Variants in RBMS3 observed in about 807,000 individuals in gnomAD.
RBMS3 encodes the protein RNA binding motif single stranded interacting protein 3.
RBMS3 carries 27 observed loss-of-function variants against 66.8 expected under a neutral mutation model. That is an observed-to-expected ratio of 0.40 (90% CI 0.30 to 0.56). The LOEUF (loss-of-function observed/expected upper bound fraction) is 0.56. RBMS3 is among the 20% of genes least tolerant of loss of function. RBMS3 has a pLI of 0.40. For missense variants in RBMS3, 513 were observed against 549.5 expected (o/e 0.93, Z 0.66); for synonymous variants, 188 against 183.0 (o/e 1.03, Z -0.22).
At chr3:29,649,089 T>G (rs1477563068) in intron 4 of RBMS3, among the ~76,000 whole-genome samples, 1 of 152,182 alleles carries the variant, frequency 6.6e-6, no homozygotes, top group Non-Finnish European at 1.5e-5. Flanking sequence ...TGGTCTAAGG[T>G]TTTCAAAGTC....
chr3:29,803,144 A>G (rs1457106192), intron 6 of RBMS3, among the ~76,000 whole-genome samples: 3 of 152,188 alleles, frequency 2.0e-5, no homozygotes, highest in Admixed American at 6.5e-5. Flanking sequence ...AATAAATGAC[A>G]TAGCCAAGAT....
intron 4 of RBMS3, 81 bp downstream of exon 4, chr3:29,587,286 G>C (rs1179608185): frequency 1.3e-6 from 1 of 774,206 alleles, no homozygotes; most frequent in Admixed American, 4.1e-5. Context: ...GTGAAAGAGA[G>C]AGAGAGAGAT....
At chr3:29,462,501 G>A (rs2042405015) in intron 2 of RBMS3, among the ~76,000 whole-genome samples, 1 of 152,154 alleles carries the variant, frequency 6.6e-6, no homozygotes. Flanking sequence ...GTTGGCAGTT[G>A]CCTGGCTGTG....
At chr3:29,807,170 A>G (rs978556013) in intron 6 of RBMS3, among the ~76,000 whole-genome samples, 3 of 151,928 alleles carry the variant, frequency 2.0e-5, no homozygotes, top group African/African-American at 7.2e-5. Flanking sequence ...ACCTGTAACA[A>G]AATAGTAAGA....
intron 2 of RBMS3, among the ~76,000 whole-genome samples, chr3:29,467,506 G>A (rs530763113): frequency 3.9e-5 from 6 of 152,200 alleles, no homozygotes; most frequent in African/African-American, 1.2e-4. Context: ...TGCAGATTCT[G>A]GTTCAGTATG....
At chr3:29,997,289 C>A (rs1459761356) in intron 14 of RBMS3, among the ~76,000 whole-genome samples, 1 of 151,554 alleles carries the variant, frequency 6.6e-6, no homozygotes, top group Admixed American at 6.6e-5. Context: ...GCTTACCAAC[C>A]AAAAAGAGTC....
At position 29,988,190 on chromosome 3, in the gene RBMS3, C is replaced by T. The variant is rs774206498; in HGVS notation, c.1146C>T (p.Tyr382=). ...APMQGTYIPQ[Y]TPVPPTAVSI... ...TGCAAGGGACCTACATTCCTCAGTA[C>T]ACGCCTGTGCCTCCGACAGCTGTTT... Residue 382 remains tyrosine (Y), a synonymous_variant, in exon 13 of 15, where the codon TAC becomes TAT. Coordinates refer to ENST00000383767, the MANE Select transcript of RBMS3 (RefSeq NM_001003793.3). The T allele has an allele frequency of 1.1e-4, 185 of 1,612,998 alleles. No homozygotes were observed. The highest frequency in any genetic ancestry group is 1.4e-4 in the Non-Finnish European group (165 of 1,179,238).
intron 2 of RBMS3, among the ~76,000 whole-genome samples, chr3:29,488,020 G>A (rs1208773796): frequency 6.6e-6 from 1 of 152,144 alleles, no homozygotes; most frequent in Non-Finnish European, 1.5e-5. Context: ...CATTTTTGCA[G>A]ATGAAGAAAC....
intron 3 of RBMS3, among the ~76,000 whole-genome samples, chr3:29,580,747 T>C (rs1056611387): frequency 6.6e-6 from 1 of 151,628 alleles, no homozygotes; most frequent in African/African-American, 2.4e-5. Flanking sequence ...ATGTCACTAA[T>C]AATAGGCAAA....
intron 4 of RBMS3, among the ~76,000 whole-genome samples, chr3:29,647,041 G>A (rs1256870001): frequency 6.6e-6 from 1 of 152,086 alleles, no homozygotes; most frequent in East Asian, 1.9e-4. Context: ...GCAGTGGTGT[G>A]ATCTTGGCTC....
chr3:29,530,087 A>T (rs1008492104), intron 3 of RBMS3, among the ~76,000 whole-genome samples: 12 of 151,886 alleles, frequency 7.9e-5, no homozygotes, highest in African/African-American at 2.9e-4. Context: ...TGCCGTACAC[A>T]CTCTGGGAAC....
intron 3 of RBMS3, among the ~76,000 whole-genome samples, chr3:29,573,608 C>A (rs1048158118): frequency 1.4e-4 from 21 of 152,082 alleles, no homozygotes; most frequent in East Asian, 3.9e-4. Flanking sequence ...TCTAACTTTG[C>A]GTTTAAATCA....
intron 11 of RBMS3, among the ~76,000 whole-genome samples, chr3:29,939,788 C>T (rs575482477): frequency 9.9e-5 from 15 of 151,900 alleles, no homozygotes; most frequent in Admixed American, 5.3e-4. Context: ...CTGGCTTCCA[C>T]GTTGACTCCT....
chr3:29,376,011 T>C (rs573375452), intron 1 of RBMS3, among the ~76,000 whole-genome samples: 63 of 152,160 alleles, frequency 4.1e-4, no homozygotes, highest in African/African-American at 1.5e-3. Flanking sequence ...TGGAATACTA[T>C]GAAAAGGAAT....
intron 1 of RBMS3, among the ~76,000 whole-genome samples, chr3:29,393,987 T>C (rs879820378): frequency 6.6e-6 from 1 of 152,160 alleles, no homozygotes; most frequent in Non-Finnish European, 1.5e-5. Context: ...GCATGCATTG[T>C]CATTGATAAA....
At chr3:29,498,069 AC>A (rs1302028919) in intron 3 of RBMS3, among the ~76,000 whole-genome samples, 1 of 123,918 alleles carries the variant, frequency 8.1e-6, no homozygotes, top group Non-Finnish European at 1.6e-5. Flanking sequence ...ATCTCAGTTC[AC>A]CGCAACCTCC....
At chr3:29,920,656 G>A (rs1453146876) in intron 10 of RBMS3, among the ~76,000 whole-genome samples, 1 of 151,856 alleles carries the variant, frequency 6.6e-6, no homozygotes, top group Non-Finnish European at 1.5e-5. Context: ...AGTCCCTAAT[G>A]AATATACATA....
At chr3:29,743,601 G>A (rs2054734570) in intron 5 of RBMS3, among the ~76,000 whole-genome samples, 1 of 152,146 alleles carries the variant, frequency 6.6e-6, no homozygotes, top group South Asian at 2.1e-4. Context: ...GCACTCTAAA[G>A]CTTTGCCTTA....
chr3:29,353,348 T>C (rs2037035418), intron 1 of RBMS3, among the ~76,000 whole-genome samples: 1 of 152,080 alleles, frequency 6.6e-6, no homozygotes, highest in Non-Finnish European at 1.5e-5. Context: ...ATAAACCAGA[T>C]ATTTTTATTA....
Sources: gnomAD v4.1 joint callset for allele counts (sites outside exome capture counted in the v4.1 genomes callset) on GRCh38, gnomAD v4.1.1 for gene constraint, MANE v1.5 for transcripts, NCBI Gene and HGNC (gene_info 2026-07-23, HGNC 2026-07-21) for gene names.